GCDH: variants seen among roughly 807,000 people sequenced by gnomAD.
GCDH encodes glutaryl-CoA dehydrogenase, also known as glutaryl-CoA dehydrogenase, mitochondrial.
GCDH carries 31 observed loss-of-function variants against 52.8 expected under a neutral mutation model. The ratio of observed to expected loss-of-function variants is 0.59; its 90% CI spans 0.44 to 0.79. GCDH has a LOEUF of 0.79. Among genes scored for constraint, GCDH ranks in the 30% least tolerant of loss-of-function variants. The pLI is 0.00. For synonymous variants in GCDH, 242 were observed against 250.0 expected, an observed-to-expected ratio of 0.97 and a Z score of 0.30; for missense variants, 509 against 595.0, an observed-to-expected ratio of 0.86 and a Z score of 1.50.
intron 3 of GCDH, 143 bp downstream of exon 3, chr19:12,891,665 G>A (rs749637416): frequency 2.3e-5 from 37 of 1,605,654 alleles, no homozygotes; most frequent in South Asian, 1.1e-4. Context: ...AAGGCAGTGA[G>A]TGCGCTGTGC....
intron 11 of GCDH, 84 bp from the exon 12 acceptor site, chr19:12,899,384 G>C: frequency 6.2e-7 from 1 of 1,614,138 alleles, no homozygotes; most frequent in Non-Finnish European, 8.5e-7. Context: ...TGAAGCAGTG[G>C]CCTGGGGATA....
At chr19:12,895,221 C>G (rs950029763) in intron 6 of GCDH, among the ~76,000 whole-genome samples, 6 of 152,070 alleles carry the variant, frequency 3.9e-5, no homozygotes, top group Non-Finnish European at 8.8e-5. Flanking sequence ...AGGGCCAGAT[C>G]TAACTTAGTT....
intron 6 of GCDH, 39 bp downstream of exon 6, chr19:12,893,692 G>T (rs773228170): frequency 6.4e-7 from 1 of 1,565,932 alleles, no homozygotes; most frequent in South Asian, 1.1e-5. Flanking sequence ...AAGGAAGACA[G>T]TCTCTGAGGT....
intron 6 of GCDH, among the ~76,000 whole-genome samples, chr19:12,895,361 G>A (rs995697662): frequency 3.3e-5 from 5 of 152,036 alleles, no homozygotes; most frequent in Non-Finnish European, 5.9e-5. Context: ...CCCAGTTCAA[G>A]CAATTCCTGT....
intron 11 of GCDH, among the ~76,000 whole-genome samples, chr19:12,898,632 A>AG (rs764710047): frequency 6.5e-4 from 99 of 151,682 alleles, no homozygotes; most frequent in Admixed American, 2.0e-3. Flanking sequence ...TTGGTGCTTT[A>AG]GGGGCTCGGC....
chr19:12,892,080 G>T, intron 4 of GCDH, 36 bp from the exon 5 acceptor site: 3 of 1,613,682 alleles, frequency 1.9e-6, no homozygotes, highest in Non-Finnish European at 2.5e-6. Context: ...TGTGGCCTAG[G>T]CCTGGGCCTG....
chr19:12,892,183 G>C lies in GCDH; in HGVS notation c.334+5G>C. On this transcript the variant is annotated splice_donor_5th_base_variant and intron_variant, in intron 5 of 11. Coordinates refer to ENST00000222214, the MANE Select transcript of GCDH (RefSeq NM_000159.4). ...TGCTGGGCCCCACCATCAAAGGTAG[G>C]AACAAGTATCTCTCCACACACTGCA... The C allele has an allele frequency of 6.2e-7, 1 of 1,612,252 alleles. No homozygotes were observed. Among genetic ancestry groups the C allele is most frequent in the Non-Finnish European group, 8.5e-7 (1 of 1,178,338 alleles).
rs150834108 is a variant in GCDH, at chr19:12,896,951, G to A, written c.894G>A (p.Ala298=). Residue 298 remains alanine (A), a synonymous_variant, in exon 9 of 12, where the codon GCG becomes GCA. Coordinates refer to ENST00000222214, the MANE Select transcript of GCDH (RefSeq NM_000159.4). This position sits in a 1 kb window ranked among gnomAD's most constrained non-coding sequence, Gnocchi z 5.5. ...TGAACAACGCCCGGTACGGCATCGC[G>A]TGGGGCGTGCTTGGAGCTTCGGAGT... The part of the protein sequence containing the change: ...GCLNNARYGI[A]WGVLGASEFC... 468 of 1,613,156 alleles carry A rather than the reference G, an allele frequency of 2.9e-4. No homozygotes were observed. Among genetic ancestry groups the A allele is most frequent in the Non-Finnish European group, 3.5e-4 (413 of 1,179,960 alleles).
At chr19:12,894,657 A>G in intron 6 of GCDH, 1 of 785,188 alleles carries the variant, frequency 1.3e-6, no homozygotes, top group Non-Finnish European at 2.1e-6. Flanking sequence ...AAAGCACCCA[A>G]GATTCAGCGC....
At chr19:12,897,217 G>A in intron 9 of GCDH, 86 bp from the exon 10 acceptor site, 5 of 1,556,764 alleles carry the variant, frequency 3.2e-6, no homozygotes, top group Non-Finnish European at 4.4e-6. Flanking sequence ...AGCCTGGGAA[G>A]GCGTCCTGGA....
Position 12,896,774 on chromosome 19 carries a change from C to G in GCDH, c.853-136C>G. ...CACCGAGCTTCAGTGCCAGGGCCATCTGTGATGTGAACCACAACCTGAGTC... is the reference window on the plus strand; with the variant it reads ...CACCGAGCTTCAGTGCCAGGGCCATGTGTGATGTGAACCACAACCTGAGTC... On this transcript the variant is annotated intron_variant, in intron 8 of 11. Coordinates refer to ENST00000222214, the MANE Select transcript of GCDH (RefSeq NM_000159.4). This position sits in a 1 kb window ranked among gnomAD's most constrained non-coding sequence, Gnocchi z 5.5. 1.4e-6 allele frequency: 1 copy of G among 712,158 alleles called. No individual in the cohort carries two copies. The highest frequency in any genetic ancestry group is 1.5e-5 in the South Asian group (1 of 67,354). 44.1% of individuals were successfully genotyped at this position (712,158 alleles called of 1,614,324 possible).
Position 12,893,377 on chromosome 19 carries a change from T to A in GCDH, c.335-106T>A, listed in dbSNP as rs1345256922. 4 of 979,106 alleles carry A rather than the reference T, an allele frequency of 4.1e-6. No individual in the cohort carries two copies. In the African/African-American group the frequency reaches 6.4e-5, roughly 16 times the overall value. 60.7% of individuals were successfully genotyped at this position (979,106 alleles called of 1,614,324 possible). ...TGAATAAACCTCAGCTAGGGCCAGC[T>A]TGGTGCCTGCCTCCTTGTGTGTCCT... On this transcript the variant is annotated intron_variant, in intron 5 of 11. Transcript: ENST00000222214.
intron 6 of GCDH, chr19:12,893,952 G>C (rs1010945587): frequency 3.4e-6 from 2 of 582,040 alleles, no homozygotes; most frequent in Admixed American, 6.0e-5. Context: ...TATAATCCCA[G>C]CACTTTGGGA....
At chr19:12,899,241 T>G in intron 11 of GCDH, 1 of 1,121,470 alleles carries the variant, frequency 8.9e-7, no homozygotes, top group Non-Finnish European at 1.4e-6. Context: ...CCAAGATGCA[T>G]TATAGAACCA....
chr19:12,897,987 G>A (rs1970727506), intron 11 of GCDH, 124 bp downstream of exon 11: 1 of 835,974 alleles, frequency 1.2e-6, no homozygotes, highest in East Asian at 2.6e-5. Flanking sequence ...GTGACCTGGG[G>A]CGAGCCTTAC....
Position 12,896,227 on chromosome 19 carries a change from G to C in GCDH, c.658G>C (p.Asp220His), listed in dbSNP as rs375357230. 2 of 1,614,046 alleles carry C rather than the reference G, an allele frequency of 1.2e-6. No individual in the cohort carries two copies. The highest frequency in any genetic ancestry group is 1.1e-5 in the South Asian group (1 of 91,080). Reference sequence around the variant, plus strand: ...CAGGATCACGAACTCGCCTATGGCCGATCTGTTTGTAGTGTGGGCTCGGTG... The same window carrying C: ...CAGGATCACGAACTCGCCTATGGCCCATCTGTTTGTAGTGTGGGCTCGGTG... ...KTWITNSPMADLFVVWARCED... is the reference protein window; with the variant it reads ...KTWITNSPMAHLFVVWARCED... Residue 220 changes from aspartate to histidine, a missense_variant, in exon 8 of 12, where the codon GAT (aspartate) becomes CAT (histidine). Physicochemically the swap from Asp to His is moderately conservative, Grantham distance 81. Transcript: ENST00000222214. This position sits in a 1 kb window ranked among gnomAD's most constrained non-coding sequence, Gnocchi z 5.5.
At chr19:12,894,863 G>A in intron 6 of GCDH, 4 of 409,454 alleles carry the variant, frequency 9.8e-6, no homozygotes, top group South Asian at 4.2e-5. Context: ...TTCTAAGTCT[G>A]AATCCAGTCA....
chr19:12,893,559 C>T lies in GCDH; in HGVS notation c.411C>T (p.Tyr137=). ...AGCTGGAGCGGGTGGACAGTGGCTA[C>T]AGGTCGGCGATGAGTGTCCAGTCCT... ...ARELERVDSG[Y]RSAMSVQSSL... The change falls in exon 6 of 12, where the codon TAC becomes TAT. Residue 137 remains tyrosine (Y), a synonymous_variant. Transcript: ENST00000222214. The T allele has an allele frequency of 6.2e-7, 1 of 1,613,658 alleles. No individual in the cohort carries two copies. Among genetic ancestry groups the T allele is most frequent in the Non-Finnish European group, 8.5e-7 (1 of 1,179,772 alleles).
chr19:12,894,133 A>T lies in GCDH; in HGVS notation c.505+480A>T, dbSNP rs539760225. 74 of 1,444,488 alleles carry T rather than the reference A, an allele frequency of 5.1e-5. 2 individuals carry two copies. The South Asian group carries it at 8.3e-4, about 16-fold the overall frequency. The allele number at this position is 1,444,488 out of a possible 1,614,324, so 89.5% of individuals were successfully genotyped here. On this transcript the variant is annotated intron_variant, in intron 6 of 11. Coordinates refer to ENST00000222214, the MANE Select transcript of GCDH (RefSeq NM_000159.4). Reference sequence around the variant, plus strand: ...CTCGGAGGTGTTCAGCTGCTTCAAGATGAAGCTGAACATCTCCTTCCCAGC... The same window carrying T: ...CTCGGAGGTGTTCAGCTGCTTCAAGTTGAAGCTGAACATCTCCTTCCCAGC...
Sources: allele counts gnomAD v4.1 joint callset (sites outside exome capture counted in the v4.1 genomes callset), GRCh38; gene constraint gnomAD v4.1.1; non-coding constraint Gnocchi (gnomAD v3.1); transcripts MANE v1.5; gene names NCBI Gene and HGNC (gene_info 2026-07-23, HGNC 2026-07-21).